EP300: variants seen among roughly 807,000 people sequenced by gnomAD.
The protein encoded by EP300 is histone acetyltransferase p300.
EP300 carries 31 observed loss-of-function variants against 264.0 expected under a neutral mutation model. The ratio of observed to expected loss-of-function variants is 0.12; its 90% CI spans 0.09 to 0.16. EP300 has a LOEUF of 0.16. EP300 is among the 10% of genes least tolerant of loss of function. The pLI, the probability that EP300 is intolerant of heterozygous loss-of-function variation, is 1.00. For synonymous variants in EP300, 1,340 were observed against 1,045.4 expected (o/e 1.28, Z -5.44); for missense variants, 2,766 against 3,052.9 (o/e 0.91, Z 2.21).
chr22:41,119,516 G>A (rs1454389651), intron 2 of EP300, among the ~76,000 whole-genome samples: 1 of 151,994 alleles, frequency 6.6e-6, no homozygotes, highest in Non-Finnish European at 1.5e-5. Context: ...CTCACTGGTG[G>A]ACAAAATACT....
intron 20 of EP300, among the ~76,000 whole-genome samples, chr22:41,161,273 C>G (rs912164747): frequency 3.3e-5 from 5 of 152,168 alleles, no homozygotes; most frequent in Admixed American, 6.6e-5. Flanking sequence ...CTCACAAGCT[C>G]TTACCATTTG....
At chr22:41,135,583 T>A (rs1205860063) in intron 6 of EP300, among the ~76,000 whole-genome samples, 1 of 152,018 alleles carries the variant, frequency 6.6e-6, no homozygotes, top group African/African-American at 2.4e-5. Context: ...TTTTAAGTTA[T>A]GTTTCGTTTT....
At chr22:41,123,628 C>T (rs1237466086) in intron 2 of EP300, among the ~76,000 whole-genome samples, 1 of 152,076 alleles carries the variant, frequency 6.6e-6, no homozygotes, top group Non-Finnish European at 1.5e-5. Flanking sequence ...TGGTATGAAT[C>T]CTTTAATTGG....
chr22:41,155,204 C>A, intron 17 of EP300, 91 bp downstream of exon 17: 3 of 989,520 alleles, frequency 3.0e-6, no homozygotes, highest in South Asian at 1.4e-5. Context: ...TATAGCCACT[C>A]ATTTCAAATT....
chr22:41,127,354 C>G (rs993410583), intron 3 of EP300, 133 bp from the exon 4 acceptor site: 8 of 1,155,036 alleles, frequency 6.9e-6, no homozygotes, highest in African/African-American at 6.1e-5. Flanking sequence ...TATGCATTCC[C>G]TGTGTCAAAA....
At chr22:41,119,175 A>AT (rs1159365617) in intron 2 of EP300, among the ~76,000 whole-genome samples, 2,646 of 112,806 alleles carry the variant, frequency 0.023, 154 homozygotes, top group African/African-American at 0.091. Context: ...GCTTATTATT[A>AT]TTTTTTTTTT....
intron 5 of EP300, 30 bp from the exon 6 acceptor site, chr22:41,131,358 T>G: frequency 6.2e-7 from 1 of 1,611,058 alleles, no homozygotes; most frequent in Non-Finnish European, 8.5e-7. Flanking sequence ...CAGCATTAAT[T>G]TGTAATACTA....
intron 12 of EP300, among the ~76,000 whole-genome samples, chr22:41,148,623 G>C (rs1003333436): frequency 6.6e-6 from 1 of 152,162 alleles, no homozygotes; most frequent in Non-Finnish European, 1.5e-5. Context: ...GCTACAACTT[G>C]TAAGATTTTC....
At chr22:41,165,667 C>G (rs572228658) in intron 22 of EP300, among the ~76,000 whole-genome samples, 1 of 152,338 alleles carries the variant, frequency 6.6e-6, no homozygotes, top group South Asian at 2.1e-4. Context: ...AGGTGATCCA[C>G]CCACCTCGGC....
In EP300 at chr22:41,132,195, C is replaced by CA. The variant is rs528307828; in HGVS notation, c.1528+576dup. On this transcript the variant is annotated intron_variant, in intron 6 of 30. Transcript: ENST00000263253. Reference sequence around the variant, plus strand: ...TGGGTGACAGAGCAAGACTCCATCTCAAAAAAAAAAAAAATACTATGTAGA... The same window carrying CA: ...TGGGTGACAGAGCAAGACTCCATCTCAAAAAAAAAAAAAAATACTATGTAGA... 5.1e-3 allele frequency among the ~76,000 whole-genome samples: 424 copies of CA among 82,728 alleles called. 4 individuals are homozygous for CA. Among genetic ancestry groups the CA allele is most frequent in the South Asian group, 0.025 (65 of 2,556 alleles). 54.3% of individuals were successfully genotyped at this position (82,728 alleles called of 152,430 possible).
At chr22:41,173,069 C>T (rs1330090527) in intron 28 of EP300, among the ~76,000 whole-genome samples, 2 of 152,102 alleles carry the variant, frequency 1.3e-5, no homozygotes, top group Admixed American at 6.6e-5. Context: ...ACAAAATAGG[C>T]CTGAGCCAGA....
chr22:41,111,981 G>A (rs567366803), intron 1 of EP300, among the ~76,000 whole-genome samples: 3 of 132,936 alleles, frequency 2.3e-5, no homozygotes, highest in Non-Finnish European at 3.1e-5. Context: ...TCCGCCTCCC[G>A]GGTTCACGCC....
chr22:41,130,216 G>A (rs1434124738), intron 5 of EP300, among the ~76,000 whole-genome samples: 2 of 149,002 alleles, frequency 1.3e-5, no homozygotes, highest in African/African-American at 2.5e-5. Flanking sequence ...ATGTTACTGC[G>A]CTCCAGCCTG....
At position 41,177,342 on chromosome 22, in the gene EP300, T is replaced by C. The variant is rs1165337181; in HGVS notation, c.5631T>C (p.Pro1877=). 5 of 1,613,798 alleles carry C rather than the reference T, an allele frequency of 3.1e-6. No individual in the cohort carries two copies. The African/African-American group carries it at 6.7e-5, about 22-fold the overall frequency. Residue 1877 remains proline (P), a synonymous_variant, in exon 31 of 31, where the codon CCT becomes CCC. Coordinates refer to ENST00000263253, the MANE Select transcript of EP300 (RefSeq NM_001429.4). ...QTPQPTSQPQ[P]TPPNSMPPYL... is the part of the protein sequence containing the mutation. ...CCCAGCCCACTTCTCAGCCTCAGCC[T>C]ACCCCTCCCAATAGCATGCCACCCT...
intron 27 of EP300, 42 bp from the exon 28 acceptor site, chr22:41,172,457 A>C: frequency 2.0e-6 from 3 of 1,530,234 alleles, no homozygotes; most frequent in Non-Finnish European, 2.7e-6. Context: ...AATGCTTTAA[A>C]AGAACATAGA....
intron 1 of EP300, among the ~76,000 whole-genome samples, chr22:41,093,987 C>T (rs945672921): frequency 2.0e-5 from 3 of 152,224 alleles, no homozygotes; most frequent in Non-Finnish European, 4.4e-5. Context: ...TCTTTTTACA[C>T]TTTTAAACAT....
intron 14 of EP300, among the ~76,000 whole-genome samples, chr22:41,151,287 A>G (rs2059043301): frequency 6.6e-6 from 1 of 152,176 alleles, no homozygotes; most frequent in Non-Finnish European, 1.5e-5. Flanking sequence ...ATTCTTTATA[A>G]AATCAAGGAT....
Position 41,129,805 on chromosome 22 carries a change from T to C in EP300, c.1169-85T>C. ...ATGAAATAAGTTAATGCATTTATGT[T>C]ACTTATTAAGTGGTCAACAAGTTAG... is the stretch of plus-strand genomic sequence containing the variant. On this transcript the variant is annotated intron_variant, in intron 4 of 30. Coordinates refer to ENST00000263253, the MANE Select transcript of EP300 (RefSeq NM_001429.4). 3.1e-6 allele frequency: 3 copies of C among 963,954 alleles called. No homozygotes were observed. In the South Asian group the frequency reaches 4.1e-5, roughly 13 times the overall value. 59.7% of individuals were successfully genotyped at this position (963,954 alleles called of 1,614,324 possible). A position where few individuals can be genotyped will look rare whatever the true frequency, so the allele number is the denominator to read the frequency against.
At chr22:41,162,492 TC>T (rs2059113445) in intron 20 of EP300, among the ~76,000 whole-genome samples, 1 of 152,200 alleles carries the variant, frequency 6.6e-6, no homozygotes, top group Non-Finnish European at 1.5e-5. Flanking sequence ...TTCTAGTTCT[TC>T]CTGGGTTCTC....
Sources: gnomAD v4.1 joint callset for allele counts (sites outside exome capture counted in the v4.1 genomes callset) on GRCh38, gnomAD v4.1.1 for gene constraint, MANE v1.5 for transcripts, NCBI Gene and HGNC (gene_info 2026-07-23, HGNC 2026-07-21) for gene names.